The following C12orf54 variants were observed in gnomAD, a reference collection of about 807,000 sequenced individuals.
C12orf54 encodes the protein uncharacterized protein C12orf54.
In C12orf54, 24 loss-of-function variants were observed where a neutral mutation model predicts 26.4. That is an observed-to-expected ratio of 0.91 (90% CI 0.66 to 1.28). The LOEUF (loss-of-function observed/expected upper bound fraction) is 1.28. Among genes scored for constraint, C12orf54 ranks in the 50% most tolerant of loss-of-function variants. The pLI is 0.00. For synonymous variants in C12orf54, 54 were observed against 47.0 expected (o/e 1.15, Z -0.61); for missense variants, 154 against 150.9 (o/e 1.02, Z -0.11).
intron 6 of C12orf54, among the ~76,000 whole-genome samples, chr12:48,492,314 C>T (rs11168600): frequency 0.041 from 6,271 of 152,272 alleles, 189 homozygotes; most frequent in Non-Finnish European, 0.058. Context: ...GAACTATGGC[C>T]TCCACTGTGA....
At chr12:48,467,665 G>C in the C12orf54 span, among the ~76,000 whole-genome samples, 1 of 152,234 alleles carries the variant, frequency 6.6e-6, no homozygotes, top group South Asian at 2.1e-4. Flanking sequence ...AGAGGGCTAA[G>C]ATGACAGATT....
At chr12:48,478,742 G>A (rs1341990811), upstream of C12orf54, among the ~76,000 whole-genome samples, 1 of 152,176 alleles carries the variant, frequency 6.6e-6, no homozygotes, top group Admixed American at 6.5e-5. Context: ...AGACATTTAT[G>A]CAGCCAAAAA....
intron 6 of C12orf54, among the ~76,000 whole-genome samples, chr12:48,492,474 C>G (rs369439420): frequency 1.3e-5 from 2 of 152,178 alleles, no homozygotes; most frequent in African/African-American, 4.8e-5. Flanking sequence ...GCCCTGGGAA[C>G]ACCCACCTGA....
chr12:48,423,719 G>T, the C12orf54 span, among the ~76,000 whole-genome samples: 1 of 152,026 alleles, frequency 6.6e-6, no homozygotes, highest in Admixed American at 6.6e-5. Context: ...TTTGTACCTT[G>T]TGACTCTGCT....
the C12orf54 span, among the ~76,000 whole-genome samples, chr12:48,455,613 A>G: frequency 6.6e-6 from 1 of 152,214 alleles, no homozygotes; most frequent in African/African-American, 2.4e-5. Flanking sequence ...GAGGCTGAAG[A>G]AAAGATTTAA....
At position 48,492,989 on chromosome 12, in the gene C12orf54, G is replaced by C. The variant is rs370792737; in HGVS notation, c.236G>C (p.Arg79Thr). 1 of 1,613,956 alleles carries C rather than the reference G, an allele frequency of 6.2e-7. No individual in the cohort carries two copies. The highest frequency in any genetic ancestry group is 8.5e-7 in the Non-Finnish European group (1 of 1,179,826). The change falls in exon 7 of 9, where the codon AGG (arginine) becomes ACG (threonine). Residue 79 changes from arginine (R) to threonine (T), a missense_variant. Coordinates refer to ENST00000548364, the MANE Select transcript of C12orf54 (RefSeq NM_152319.4). ...CSMTPMTSAP[R>T]TGSIRPPDSL... ...ATGACACCCATGACATCAGCACCCA[G>C]GACTGGGTAAGTGTCCCTATTCTGA...
At chr12:48,456,076 G>A in the C12orf54 span, among the ~76,000 whole-genome samples, 4 of 152,122 alleles carry the variant, frequency 2.6e-5, no homozygotes, top group African/African-American at 9.7e-5. Context: ...TCAGTAGTTT[G>A]TACTCAATAA....
the C12orf54 span, among the ~76,000 whole-genome samples, chr12:48,446,030 G>A: frequency 3.3e-5 from 5 of 152,140 alleles, no homozygotes; most frequent in Non-Finnish European, 7.4e-5. Context: ...AAACAGAGGG[G>A]AACAAAGTAG....
the C12orf54 span, among the ~76,000 whole-genome samples, chr12:48,450,201 T>G: frequency 6.6e-6 from 1 of 152,086 alleles, no homozygotes; most frequent in African/African-American, 2.4e-5. Flanking sequence ...TCAAAATATA[T>G]ATGTATATGA....
the C12orf54 span, among the ~76,000 whole-genome samples, chr12:48,426,101 T>G: frequency 2.6e-5 from 4 of 152,122 alleles, no homozygotes; most frequent in African/African-American, 9.7e-5. Flanking sequence ...AGATCCCATT[T>G]GTCCCCTTTT....
At chr12:48,478,719 A>C (rs188324335), upstream of C12orf54, among the ~76,000 whole-genome samples, 159 of 152,332 alleles carry the variant, frequency 1.0e-3, no homozygotes, top group African/African-American at 3.7e-3. Flanking sequence ...TCAAGGAGAC[A>C]CTTCTCAAAA....
At chr12:48,433,467 G>T in the C12orf54 span, among the ~76,000 whole-genome samples, 1 of 141,920 alleles carries the variant, frequency 7.0e-6, no homozygotes, top group African/African-American at 2.6e-5. Flanking sequence ...GGGGGGGGGG[G>T]GGCAGGATCT....
At chr12:48,469,092 A>G in the C12orf54 span, among the ~76,000 whole-genome samples, 1 of 152,208 alleles carries the variant, frequency 6.6e-6, no homozygotes, top group Non-Finnish European at 1.5e-5. Context: ...TAGAATTACT[A>G]ATGAGGTTTC....
At chr12:48,486,265 G>T in intron 3 of C12orf54, 57 bp downstream of exon 3, 1 of 1,545,370 alleles carries the variant, frequency 6.5e-7, no homozygotes, top group Non-Finnish European at 8.9e-7. Flanking sequence ...CCTAGGGAGA[G>T]GGGAGGAGAA....
At chr12:48,432,153 A>G in the C12orf54 span, among the ~76,000 whole-genome samples, 1 of 152,260 alleles carries the variant, frequency 6.6e-6, no homozygotes, top group Non-Finnish European at 1.5e-5. Flanking sequence ...CTTCAAAAAC[A>G]GAACATGCAC....
the C12orf54 span, among the ~76,000 whole-genome samples, chr12:48,469,012 A>T: frequency 1.3e-5 from 2 of 152,208 alleles, no homozygotes; most frequent in Non-Finnish European, 2.9e-5. Context: ...CAGAGATCAC[A>T]TGCTTCAAAG....
chr12:48,425,263 G>T, the C12orf54 span, among the ~76,000 whole-genome samples: 1 of 151,942 alleles, frequency 6.6e-6, no homozygotes, highest in East Asian at 1.9e-4. Flanking sequence ...GCCCCACTGT[G>T]TGCTGTTCCC....
chr12:48,488,654 T>C (rs533619834), intron 4 of C12orf54, among the ~76,000 whole-genome samples: 1 of 152,176 alleles, frequency 6.6e-6, no homozygotes, highest in Admixed American at 6.5e-5. Flanking sequence ...GTAGGTTTCA[T>C]TATACATTCA....
chr12:48,438,476 G>A, the C12orf54 span, among the ~76,000 whole-genome samples: 5 of 152,154 alleles, frequency 3.3e-5, no homozygotes, highest in Non-Finnish European at 7.3e-5. Flanking sequence ...AACAAAGCTG[G>A]AGGCATCACG....
Sources: gnomAD v4.1 joint callset for allele counts (sites outside exome capture counted in the v4.1 genomes callset) on GRCh38, gnomAD v4.1.1 for gene constraint, MANE v1.5 for transcripts, NCBI Gene and HGNC (gene_info 2026-07-23, HGNC 2026-07-21) for gene names.